Variants in ATG10 observed in about 807,000 individuals in gnomAD.
ATG10 encodes the protein ubiquitin-like-conjugating enzyme ATG10.
A neutral mutation model predicts 32.1 loss-of-function variants in ATG10; 30 were observed. That is an observed-to-expected ratio of 0.94 (90% CI 0.70 to 1.27). The LOEUF is 1.27. Ranked by LOEUF, ATG10 falls within the 50% of genes most tolerant of loss-of-function variation. The pLI is 0.00. For synonymous variants in ATG10, 87 were observed against 91.5 expected (o/e 0.95, Z 0.28); for missense variants, 233 against 262.3 (o/e 0.89, Z 0.77).
intron 5 of ATG10, among the ~76,000 whole-genome samples, chr5:82,209,448 C>T (rs1010013487): frequency 6.6e-6 from 1 of 152,120 alleles, no homozygotes; most frequent in African/African-American, 2.4e-5. Context: ...AGAGAACTGC[C>T]TGCCTCTTCT....
At chr5:82,193,159 A>G (rs539561147) in intron 5 of ATG10, among the ~76,000 whole-genome samples, 10 of 152,208 alleles carry the variant, frequency 6.6e-5, no homozygotes, top group Non-Finnish European at 1.5e-4. Context: ...GCATTCTACA[A>G]TCTAAAGTTG....
intron 3 of ATG10, among the ~76,000 whole-genome samples, chr5:82,089,948 T>G (rs1764824078): frequency 6.6e-6 from 1 of 151,796 alleles, no homozygotes; most frequent in Non-Finnish European, 1.5e-5. Context: ...AAAGAGTCAC[T>G]GAAGGGAATA....
rs374757796 is a variant in ATG10 at position 82,135,836 on chromosome 5, A to G, written c.217-28563A>G. Among the ~76,000 whole-genome samples, 7 of 152,124 alleles carry G rather than the reference A, an allele frequency of 4.6e-5. No individual in the cohort carries two copies. In the East Asian group the frequency reaches 1.2e-3, roughly 25 times the overall value. ...CAGTGGGGTGTTAAAGTCTCCCACTATTATTGTGTGGGAGTCTAAGTCTCT... is the reference window on the plus strand; with the variant it reads ...CAGTGGGGTGTTAAAGTCTCCCACTGTTATTGTGTGGGAGTCTAAGTCTCT... On this transcript the variant is annotated intron_variant, in intron 3 of 7. Transcript: ENST00000282185.
At chr5:82,208,975 C>T (rs1745397895) in intron 5 of ATG10, among the ~76,000 whole-genome samples, 1 of 151,736 alleles carries the variant, frequency 6.6e-6, no homozygotes, top group Non-Finnish European at 1.5e-5. Flanking sequence ...CTTATAATGT[C>T]CTTGTCAATT....
intron 4 of ATG10, among the ~76,000 whole-genome samples, chr5:82,166,646 C>T (rs1211160143): frequency 6.6e-6 from 1 of 151,196 alleles, no homozygotes; most frequent in Non-Finnish European, 1.5e-5. Flanking sequence ...CTTACTTTTT[C>T]CTGTGATATC....
intron 5 of ATG10, among the ~76,000 whole-genome samples, chr5:82,210,919 ATCTT>A (rs1189189961): frequency 6.6e-6 from 1 of 152,178 alleles, no homozygotes; most frequent in Non-Finnish European, 1.5e-5. Flanking sequence ...TATAGTTTCT[ATCTT>A]TCTTCCTTTC....
intron 1 of ATG10, among the ~76,000 whole-genome samples, chr5:81,985,160 A>G (rs755971061): frequency 5.9e-5 from 9 of 152,234 alleles, no homozygotes; most frequent in Non-Finnish European, 1.0e-4. Flanking sequence ...GGCTTAGGCT[A>G]CTTTGTTCAG....
chr5:82,253,675 G>A (rs985206969), intron 7 of ATG10, among the ~76,000 whole-genome samples: 5 of 152,124 alleles, frequency 3.3e-5, no homozygotes, highest in Admixed American at 1.3e-4. Flanking sequence ...GCAAGCAAGC[G>A]AGCATTACCA....
At chr5:82,107,130 T>C (rs532808805) in intron 3 of ATG10, among the ~76,000 whole-genome samples, 2 of 152,082 alleles carry the variant, frequency 1.3e-5, no homozygotes, top group Admixed American at 1.3e-4. Context: ...AAAATATATA[T>C]ATAGATTAAA....
intron 2 of ATG10, among the ~76,000 whole-genome samples, chr5:82,037,811 A>G (rs1187551405): frequency 6.6e-6 from 1 of 152,118 alleles, no homozygotes; most frequent in Non-Finnish European, 1.5e-5. Flanking sequence ...TAATGTAGTG[A>G]TTACATTGAC....
At chr5:82,168,161 A>G (rs1369981322) in intron 4 of ATG10, among the ~76,000 whole-genome samples, 1 of 151,826 alleles carries the variant, frequency 6.6e-6, no homozygotes, top group Non-Finnish European at 1.5e-5. Flanking sequence ...ATTCCCTACC[A>G]TTCTTATTCC....
At chr5:82,061,644 GATTA>G (rs1001856458) in intron 3 of ATG10, among the ~76,000 whole-genome samples, 13 of 149,046 alleles carry the variant, frequency 8.7e-5, no homozygotes, top group Non-Finnish European at 1.9e-4. Context: ...ACTTAGAATT[GATTA>G]ATTATATGTG....
intron 3 of ATG10, among the ~76,000 whole-genome samples, chr5:82,152,195 T>G (rs550434334): frequency 6.6e-6 from 1 of 152,364 alleles, no homozygotes; most frequent in South Asian, 2.1e-4. Context: ...CCAGGGCTCT[T>G]TGACTTGGTG....
rs572834825 is a variant in ATG10 at position 82,089,935 on chromosome 5, C to G, written c.216+31333C>G. On this transcript the variant is annotated intron_variant, in intron 3 of 7. Coordinates refer to ENST00000282185, the MANE Select transcript of ATG10 (RefSeq NM_031482.5). ...GTCCAATAGAAAAATGAGCAAAAGA[C>G]TCAAAGAGTCACTGAAGGGAATATA... Among the ~76,000 whole-genome samples the G allele has an allele frequency of 2.6e-5, 4 of 151,944 alleles. No individual in the cohort carries two copies. In the South Asian group the frequency reaches 8.3e-4, roughly 32 times the overall value.
At chr5:82,096,699 G>A (rs1448052286) in intron 3 of ATG10, among the ~76,000 whole-genome samples, 1 of 152,148 alleles carries the variant, frequency 6.6e-6, no homozygotes, top group African/African-American at 2.4e-5. Flanking sequence ...TGAGAAGTGT[G>A]AGCTAGATTG....
At chr5:82,017,195 C>G (rs1403390211) in intron 2 of ATG10, among the ~76,000 whole-genome samples, 1 of 147,176 alleles carries the variant, frequency 6.8e-6, no homozygotes, top group Admixed American at 6.8e-5. Context: ...GGGTTGAGTT[C>G]TTGATTTGAT....
At chr5:82,073,734 TG>T (rs1764194039) in intron 3 of ATG10, 1 of 152,228 alleles carries the variant, frequency 6.6e-6, no homozygotes, top group Non-Finnish European at 1.5e-5. Flanking sequence ...AAGTTTAATT[TG>T]CTCTCCACAT....
At chr5:82,041,598 A>G (rs1184499938) in intron 2 of ATG10, among the ~76,000 whole-genome samples, 2 of 152,228 alleles carry the variant, frequency 1.3e-5, no homozygotes, top group South Asian at 4.1e-4. Context: ...AGATCTAAAC[A>G]TATAGTATGT....
chr5:82,244,268 G>C (rs1458514645), intron 5 of ATG10, among the ~76,000 whole-genome samples: 1 of 152,140 alleles, frequency 6.6e-6, no homozygotes, highest in East Asian at 1.9e-4. Flanking sequence ...TAGACTAGAG[G>C]TTGGAAGTCA....
Sources: gnomAD v4.1 joint callset for allele counts (sites outside exome capture counted in the v4.1 genomes callset) on GRCh38, gnomAD v4.1.1 for gene constraint, MANE v1.5 for transcripts, NCBI Gene and HGNC (gene_info 2026-07-23, HGNC 2026-07-21) for gene names.